Variants in HECTD2 observed in about 807,000 individuals in gnomAD.
HECTD2 encodes the protein HECT domain E3 ubiquitin protein ligase 2.
In HECTD2, 35 loss-of-function variants were observed where a neutral mutation model predicts 103.2. The observed-to-expected ratio is 0.34, with a 90% CI of 0.26 to 0.45. The LOEUF is 0.45. HECTD2 is among the 20% of genes least tolerant of loss of function. The probability of loss-of-function intolerance (pLI) is 1.00; values close to 1 mark genes in which losing one functional copy is unlikely to be tolerated. For synonymous variants in HECTD2, 281 were observed against 329.9 expected (o/e 0.85, Z 1.61); for missense variants, 596 against 937.4 (o/e 0.64, Z 4.76).
chr10:91,503,327 G>T (rs577875629), intron 20 of HECTD2, among the ~76,000 whole-genome samples: 1 of 152,006 alleles, frequency 6.6e-6, no homozygotes, highest in African/African-American at 2.4e-5. Context: ...CCTGAGCGAC[G>T]CAGAAGATGG....
chr10:91,426,056 A>G (rs1163808790), intron 2 of HECTD2, among the ~76,000 whole-genome samples: 1 of 152,158 alleles, frequency 6.6e-6, no homozygotes, highest in East Asian at 1.9e-4. Context: ...AATGCCCACA[A>G]TACATTGTAA....
At chr10:91,501,424 C>T (rs546233241) in intron 20 of HECTD2, 90 bp downstream of exon 20, 15 of 713,338 alleles carry the variant, frequency 2.1e-5, no homozygotes, top group Non-Finnish European at 2.8e-5. Flanking sequence ...ATGTGTACTC[C>T]GTTTGAAGTT....
chr10:91,456,704 G>T (rs144484208), intron 2 of HECTD2, among the ~76,000 whole-genome samples: 194 of 152,104 alleles, frequency 1.3e-3, no homozygotes, highest in South Asian at 6.2e-3. Flanking sequence ...TATGATATTG[G>T]CTGTGGGTTT....
At chr10:91,416,581 ACT>A (rs111641207) in intron 1 of HECTD2, among the ~76,000 whole-genome samples, 30,429 of 152,074 alleles carry the variant, frequency 0.2, 7,222 homozygotes, top group African/African-American at 0.58. Flanking sequence ...GTATAAGTAC[ACT>A]CTGTGATGTT....
intron 9 of HECTD2, 87 bp downstream of exon 9, chr10:91,484,742 C>A: frequency 1.0e-6 from 1 of 987,418 alleles, no homozygotes; most frequent in Non-Finnish European, 1.4e-6. Context: ...ACTATAGAGG[C>A]ATTCTTAAAT....
intron 5 of HECTD2, chr10:91,464,487 AG>A (rs1845460327): frequency 6.5e-6 from 1 of 153,480 alleles, no homozygotes; most frequent in Non-Finnish European, 1.5e-5. Flanking sequence ...TATGTTGCCC[AG>A]GCTGGTCTCA....
chr10:91,445,825 T>G (rs1436349034), intron 2 of HECTD2, among the ~76,000 whole-genome samples: 1 of 152,096 alleles, frequency 6.6e-6, no homozygotes, highest in Non-Finnish European at 1.5e-5. Context: ...CGTGAGAGAC[T>G]GTGCCCTGAG....
intron 1 of HECTD2, among the ~76,000 whole-genome samples, chr10:91,424,475 C>G (rs1003040900): frequency 6.6e-6 from 1 of 152,092 alleles, no homozygotes; most frequent in Non-Finnish European, 1.5e-5. Context: ...CTACTGTATT[C>G]TCTTAAGCAT....
Position 91,461,141 on chromosome 10 carries a change from CTTTA to C in HECTD2, c.408-109_408-106del, listed in dbSNP as rs550940700. Reference sequence around the variant, plus strand: ...AAACTATATTAACTGGGACATATTTCTTTATTTGGCTTCAGTATTTTGTATTGCA... The same window carrying C: ...AAACTATATTAACTGGGACATATTTCTTTGGCTTCAGTATTTTGTATTGCA... On this transcript the variant is annotated intron_variant, in intron 3 of 20. Coordinates refer to ENST00000298068, the MANE Select transcript of HECTD2 (RefSeq NM_182765.6). 4.6e-4 allele frequency: 242 copies of C among 529,488 alleles called. 3 individuals carry two copies. In the South Asian group the frequency reaches 7.0e-3, roughly 15 times the overall value. 32.8% of individuals were successfully genotyped at this position (529,488 alleles called of 1,614,324 possible).
intron 18 of HECTD2, 24 bp downstream of exon 18, chr10:91,499,174 G>C (rs759399843): frequency 7.1e-7 from 1 of 1,414,310 alleles, no homozygotes; most frequent in Non-Finnish European, 1.0e-6. Flanking sequence ...TTTAAATCAA[G>C]CTTTCGGTTA....
chr10:91,473,684 T>A (rs1339387862), intron 5 of HECTD2, among the ~76,000 whole-genome samples: 2 of 152,210 alleles, frequency 1.3e-5, no homozygotes, highest in Non-Finnish European at 2.9e-5. Context: ...ACCTTTATGA[T>A]AATTGCTTCC....
intron 2 of HECTD2, among the ~76,000 whole-genome samples, chr10:91,426,486 T>C (rs1470357707): frequency 1.3e-5 from 2 of 151,994 alleles, no homozygotes; most frequent in Admixed American, 6.6e-5. Context: ...CTATTCTACA[T>C]TCTTATAGGT....
At chr10:91,410,924 C>A (rs1193334267) in intron 1 of HECTD2, among the ~76,000 whole-genome samples, 1 of 152,138 alleles carries the variant, frequency 6.6e-6, no homozygotes, top group Non-Finnish European at 1.5e-5. Context: ...TGTCAGCAGG[C>A]GGGAGTGGGT....
intron 20 of HECTD2, among the ~76,000 whole-genome samples, chr10:91,503,567 G>A (rs576604240): frequency 2.0e-5 from 3 of 152,152 alleles, no homozygotes; most frequent in East Asian, 1.9e-4. Flanking sequence ...GCGCTTTTCC[G>A]ACGGGCTTAA....
At chr10:91,417,527 C>A (rs542447479) in intron 1 of HECTD2, among the ~76,000 whole-genome samples, 15 of 152,086 alleles carry the variant, frequency 9.9e-5, no homozygotes, top group African/African-American at 7.2e-5. Flanking sequence ...CCCGCCCCCC[C>A]ACAACAGGCC....
chr10:91,464,916 G>A (rs1002845642), intron 5 of HECTD2, among the ~76,000 whole-genome samples: 1 of 152,128 alleles, frequency 6.6e-6, no homozygotes, highest in Admixed American at 6.5e-5. Flanking sequence ...ACCCTAAATG[G>A]AACCTAAAAT....
chr10:91,439,079 A>G (rs1014079344), intron 2 of HECTD2, among the ~76,000 whole-genome samples: 1 of 152,124 alleles, frequency 6.6e-6, no homozygotes, highest in Non-Finnish European at 1.5e-5. Context: ...TGTTTAGTTT[A>G]ATTAGATGCC....
intron 5 of HECTD2, among the ~76,000 whole-genome samples, chr10:91,466,545 A>G (rs968823772): frequency 1.3e-5 from 2 of 152,164 alleles, no homozygotes; most frequent in African/African-American, 4.8e-5. Flanking sequence ...TCAGTGCTAT[A>G]CATTTCCCTC....
chr10:91,433,007 C>A (rs936267488), intron 2 of HECTD2, among the ~76,000 whole-genome samples: 1 of 151,962 alleles, frequency 6.6e-6, no homozygotes, highest in Non-Finnish European at 1.5e-5. Context: ...AAGCATAGCA[C>A]AGGGCTTGCT....
Sources: allele counts gnomAD v4.1 joint callset (sites outside exome capture counted in the v4.1 genomes callset), GRCh38; gene constraint gnomAD v4.1.1; transcripts MANE v1.5; gene names NCBI Gene and HGNC (gene_info 2026-07-23, HGNC 2026-07-21).